Variants in NUP88 observed in about 807,000 individuals in gnomAD.
NUP88 encodes the protein nuclear pore complex protein Nup88.
In NUP88, 57 loss-of-function variants were observed where a neutral mutation model predicts 93.9. The observed-to-expected ratio is 0.61, with a 90% CI of 0.49 to 0.76. NUP88 has a LOEUF of 0.76. Ranked by LOEUF, NUP88 falls within the 30% of genes least tolerant of loss-of-function variation. The pLI is 0.00. For missense variants in NUP88, 911 were observed against 901.0 expected, an observed-to-expected ratio of 1.01 and a Z score of -0.14; for synonymous variants, 346 against 336.8, an observed-to-expected ratio of 1.03 and a Z score of -0.30.
rs141022153 is a variant in NUP88, at chr17:5,393,738, AC to A, written c.1382+1152del. On this transcript the variant is annotated intron_variant, in intron 9 of 16. Coordinates refer to ENST00000573584, the MANE Select transcript of NUP88 (RefSeq NM_002532.6). ...GGCGTAAGCCACAGTGCCTGGTTTC[AC>A]TGTTCACTTTTCAAGCTGGTACAGT... is the stretch of plus-strand genomic sequence containing the variant. 3.5e-3 allele frequency among the ~76,000 whole-genome samples: 532 copies of A among 152,218 alleles called. 3 individuals carry two copies. Among genetic ancestry groups the A allele is most frequent in the African/African-American group, 0.012 (498 of 41,524 alleles).
intron 2 of NUP88, among the ~76,000 whole-genome samples, chr17:5,414,535 C>T (rs1170532150): frequency 6.6e-6 from 1 of 152,204 alleles, no homozygotes; most frequent in African/African-American, 2.4e-5. Flanking sequence ...ATTCTCTTTC[C>T]TTCAGATTTA....
intron 5 of NUP88, among the ~76,000 whole-genome samples, chr17:5,405,802 C>T (rs1451634447): frequency 6.6e-6 from 1 of 152,200 alleles, no homozygotes; most frequent in Non-Finnish European, 1.5e-5. Context: ...GTAGTTCTCT[C>T]TTCCTACCTC....
chr17:5,417,754 G>A (rs1033191410), intron 1 of NUP88, among the ~76,000 whole-genome samples: 4 of 151,432 alleles, frequency 2.6e-5, no homozygotes, highest in Admixed American at 2.6e-4. Context: ...CAGGAGAATC[G>A]CTTGAATCCA....
intron 10 of NUP88, among the ~76,000 whole-genome samples, chr17:5,390,841 T>C (rs1373025626): frequency 4.6e-5 from 7 of 152,102 alleles, no homozygotes; most frequent in African/African-American, 1.7e-4. Context: ...ACTACAGATG[T>C]GTACCACCAT....
chr17:5,405,638 A>T (rs189666022), intron 5 of NUP88, among the ~76,000 whole-genome samples: 17 of 152,278 alleles, frequency 1.1e-4, no homozygotes, highest in Middle Eastern at 3.4e-3. Flanking sequence ...CTTGCCCTAA[A>T]TTTACTATGG....
chr17:5,415,152 T>G (rs982787503), intron 2 of NUP88, among the ~76,000 whole-genome samples: 3 of 151,902 alleles, frequency 2.0e-5, no homozygotes, highest in Non-Finnish European at 4.4e-5. Flanking sequence ...CCTGAGTAGC[T>G]GGGACTACAG....
rs932692775 is a variant in NUP88 at position 5,385,468 on chromosome 17, A to G, written c.*738T>C. On this transcript the variant is annotated 3_prime_UTR_variant, in exon 17 of 17. Transcript: ENST00000573584. ...GTCACTCAGCCATTTCTAAGCAGAT[A>G]TAGTAGTACCTTTCAGAACTCACAT... 4 of 230,642 alleles carry G rather than the reference A, an allele frequency of 1.7e-5. No individual in the cohort carries two copies. In the Admixed American group the frequency reaches 2.3e-4, roughly 13 times the overall value. The allele number at this position is 230,642 out of a possible 1,614,324, so 14.3% of individuals were successfully genotyped here.
rs142602831 is a variant in NUP88 at position 5,385,558 on chromosome 17, A to G, written c.*648T>C. On this transcript the variant is annotated 3_prime_UTR_variant, in exon 17 of 17. Coordinates refer to ENST00000573584, the MANE Select transcript of NUP88 (RefSeq NM_002532.6). ...AAAATCACATTCTGCATACTAACCT[A>G]TTTTTTTCTCCCTTTAAGGTGCTAA... 1.9e-3 allele frequency: 440 copies of G among 230,752 alleles called. No homozygotes were observed. Among genetic ancestry groups the G allele is most frequent in the Non-Finnish European group, 2.6e-3 (309 of 116,622 alleles). 14.3% of individuals were successfully genotyped at this position (230,752 alleles called of 1,614,324 possible). A position where few individuals can be genotyped will look rare whatever the true frequency, so the allele number is the denominator to read the frequency against.
At chr17:5,405,754 C>T (rs970019329) in intron 5 of NUP88, among the ~76,000 whole-genome samples, 7 of 152,200 alleles carry the variant, frequency 4.6e-5, no homozygotes, top group African/African-American at 1.7e-4. Context: ...CACTGGTTAA[C>T]GACTACTGCT....
intron 5 of NUP88, among the ~76,000 whole-genome samples, chr17:5,406,874 C>A (rs573188100): frequency 6.6e-6 from 1 of 151,996 alleles, no homozygotes; most frequent in African/African-American, 2.4e-5. Flanking sequence ...GCGCGCAGCC[C>A]GTGGGTTGGA....
chr17:5,404,774 T>G (rs1913395511), intron 6 of NUP88, among the ~76,000 whole-genome samples: 1 of 152,120 alleles, frequency 6.6e-6, no homozygotes. Context: ...AAAAAGCCAA[T>G]TCAGTGATTC....
chr17:5,414,052 G>T lies in NUP88; in HGVS notation c.550C>A (p.Leu184Met). 6.2e-7 allele frequency: 1 copy of T among 1,613,614 alleles called. No homozygotes were observed. Among genetic ancestry groups the T allele is most frequent in the Non-Finnish European group, 8.5e-7 (1 of 1,179,534 alleles). Residue 184 changes from leucine (L) to methionine (M), a missense_variant, in exon 3 of 17, where the codon CTG becomes ATG. By Grantham distance (15) the Leu-to-Met change is conservative (BLOSUM62 2). Coordinates refer to ENST00000573584, the MANE Select transcript of NUP88 (RefSeq NM_002532.6). ...KHAAWYPSEI[L>M]DPHVVLLTSD... Reference sequence around the variant, plus strand: ...GTTAACAGCACTACGTGGGGATCCAGGATTTCACTTGGATACCATGCAGCA... The same window carrying T: ...GTTAACAGCACTACGTGGGGATCCATGATTTCACTTGGATACCATGCAGCA...
At chr17:5,395,591 C>T (rs1264487457) in intron 8 of NUP88, among the ~76,000 whole-genome samples, 1 of 151,910 alleles carries the variant, frequency 6.6e-6, no homozygotes, top group Non-Finnish European at 1.5e-5. Flanking sequence ...CGCAGTGGCC[C>T]AATCTCTGCT....
intron 3 of NUP88, among the ~76,000 whole-genome samples, chr17:5,413,722 CATT>C (rs764978544): frequency 1.3e-5 from 2 of 152,146 alleles, no homozygotes; most frequent in South Asian, 2.1e-4. Flanking sequence ...CTTTATGCTA[CATT>C]ATTACCAAAA....
chr17:5,416,362 T>C (rs1914151100), intron 2 of NUP88, 151 bp downstream of exon 2: 3 of 521,906 alleles, frequency 5.7e-6, no homozygotes, highest in Non-Finnish European at 9.8e-6. Context: ...ACATATACTA[T>C]GAACATTGAT....
Position 5,387,056 on chromosome 17 carries a change from A to T in NUP88, c.1971T>A (p.Ser657Arg), listed in dbSNP as rs143215578. 1.4e-5 allele frequency: 22 copies of T among 1,613,966 alleles called. No individual in the cohort carries two copies. The African/African-American group carries it at 2.7e-4, about 20-fold the overall frequency. The change falls in exon 15 of 17, where the codon AGT (serine) becomes AGA (arginine). Residue 657 changes from serine to arginine, a missense_variant. By Grantham distance (110) the Ser-to-Arg change is moderately radical. Coordinates refer to ENST00000573584, the MANE Select transcript of NUP88 (RefSeq NM_002532.6). ...GTAATTCTTTCTTCATGTCTCGCTC[A>T]CTATCAGAGAGAACTGGGAGCTCAG... ...FHSELPVLSDSERDMKKELQL... is the reference protein window; with the variant it reads ...FHSELPVLSDRERDMKKELQL...
intron 7 of NUP88, among the ~76,000 whole-genome samples, chr17:5,402,339 AC>A (rs1241178067): frequency 2.0e-5 from 3 of 152,068 alleles, no homozygotes; most frequent in African/African-American, 7.2e-5. Flanking sequence ...AATACAAAAA[AC>A]AAAACCCAAG....
chr17:5,391,498 T>C, intron 10 of NUP88, 63 bp downstream of exon 10: 1 of 1,386,646 alleles, frequency 7.2e-7, no homozygotes, highest in Non-Finnish European at 1.0e-6. Context: ...CTGAGTGCAT[T>C]TTCCCAACTT....
intron 5 of NUP88, among the ~76,000 whole-genome samples, chr17:5,406,549 T>C (rs1484647691): frequency 6.6e-6 from 1 of 152,044 alleles, no homozygotes; most frequent in Admixed American, 6.6e-5. Flanking sequence ...GAGGAAGACA[T>C]GGAAGGGTCC....
Sources: allele counts gnomAD v4.1 joint callset (sites outside exome capture counted in the v4.1 genomes callset), GRCh38; gene constraint gnomAD v4.1.1; transcripts MANE v1.5; gene names NCBI Gene and HGNC (gene_info 2026-07-23, HGNC 2026-07-21).